SMAD9: variants seen among roughly 807,000 people sequenced by gnomAD.
SMAD9 encodes the protein MAD homolog 9.
In SMAD9, 36 loss-of-function variants were observed where a neutral mutation model predicts 46.1. That is an observed-to-expected ratio of 0.78 (90% CI 0.60 to 1.03). SMAD9 has a LOEUF of 1.03. Ranked by LOEUF, SMAD9 falls within the 50% of genes least tolerant of loss-of-function variation. SMAD9 has a pLI of 0.00. For synonymous variants in SMAD9, 245 were observed against 237.1 expected, an observed-to-expected ratio of 1.03 and a Z score of -0.31; for missense variants, 572 against 599.8, an observed-to-expected ratio of 0.95 and a Z score of 0.48.
intron 3 of SMAD9, among the ~76,000 whole-genome samples, chr13:36,870,853 G>C (rs986031687): frequency 1.3e-5 from 2 of 152,098 alleles, no homozygotes. Flanking sequence ...TATTAAATCA[G>C]AGTGACCTCA....
chr13:36,903,115 T>C (rs1287370170), intron 1 of SMAD9, among the ~76,000 whole-genome samples: 1 of 149,228 alleles, frequency 6.7e-6, no homozygotes, highest in African/African-American at 2.5e-5. Flanking sequence ...TCTTTCTTTT[T>C]TTTTCTTTTG....
Position 36,879,790 on chromosome 13 carries a change from G to A in SMAD9, c.-101C>T, listed in dbSNP as rs1415811911. 1.3e-5 allele frequency: 17 copies of A among 1,324,238 alleles called. No homozygotes were observed. The South Asian group carries it at 1.6e-4, about 12-fold the overall frequency. The allele number at this position is 1,324,238 out of a possible 1,614,324, so 82.0% of individuals were successfully genotyped here. On this transcript the variant is annotated 5_prime_UTR_variant, in exon 2 of 7. Coordinates refer to ENST00000379826, the MANE Select transcript of SMAD9 (RefSeq NM_001127217.3). Reference sequence around the variant, plus strand: ...CCAGGGGTGGCATAGGGACCAACCCGCCCGTTCTTCTGGGAGCAGCTGGGA... The same window carrying A: ...CCAGGGGTGGCATAGGGACCAACCCACCCGTTCTTCTGGGAGCAGCTGGGA...
chr13:36,845,998 C>T lies in SMAD9; in HGVS notation c.*2678G>A, dbSNP rs1198252656. 1 of 152,032 alleles carries T rather than the reference C, an allele frequency of 6.6e-6. No homozygotes were observed. The highest frequency in any genetic ancestry group is 1.5e-5 in the Non-Finnish European group (1 of 68,012). The allele number at this position is 152,032 out of a possible 1,614,324, so 9.4% of individuals were successfully genotyped here. A position where few individuals can be genotyped will look rare whatever the true frequency, so the allele number is the denominator to read the frequency against. The stretch of plus-strand genomic sequence containing the variant: ...GTTTAGAGACAGGGTGTCACTTTGT[C>T]ACCCAGGCTAGAATGAAGTTGTATG... On this transcript the variant is annotated 3_prime_UTR_variant, in exon 7 of 7. Transcript: ENST00000379826.
At position 36,879,373 on chromosome 13, in the gene SMAD9, TC is replaced by T; in HGVS notation, c.316del (p.Glu106SerfsTer2). On this transcript the variant is annotated frameshift_variant, in exon 2 of 7. Transcript: ENST00000379826. LOFTEE classifies it high-confidence loss of function. ...WRWPDLQSHH[E>X]LKPLECCEFP... ...CTCACAGCACTCCAGCGGCTTCAGC[TC>T]GTGGTGGGACTGCAGATCCGGCCAG... is the stretch of plus-strand genomic sequence containing the variant. The T allele has an allele frequency of 1.2e-6, 2 of 1,614,110 alleles. No homozygotes were observed. Among genetic ancestry groups the T allele is most frequent in the Non-Finnish European group, 1.7e-6 (2 of 1,180,026 alleles).
At chr13:36,877,272 G>C (rs2058353961) in intron 2 of SMAD9, among the ~76,000 whole-genome samples, 1 of 152,210 alleles carries the variant, frequency 6.6e-6, no homozygotes, top group Non-Finnish European at 1.5e-5. Flanking sequence ...TGAGGCAGGA[G>C]AATCGCTTGA....
chr13:36,895,888 C>T lies in SMAD9; in HGVS notation c.-186-16013G>A, dbSNP rs181734546. Reference sequence around the variant, plus strand: ...AATAAATAGTATTTTCCAAGTCAGCCTGAAATTGGGATTTCCACCTAAGCA... The same window carrying T: ...AATAAATAGTATTTTCCAAGTCAGCTTGAAATTGGGATTTCCACCTAAGCA... On this transcript the variant is annotated intron_variant, in intron 1 of 6. Coordinates refer to ENST00000379826, the MANE Select transcript of SMAD9 (RefSeq NM_001127217.3). Among the ~76,000 whole-genome samples, 308 of 152,164 alleles carry T rather than the reference C, an allele frequency of 2.0e-3. 2 individuals carry two copies. The highest frequency in any genetic ancestry group is 6.7e-3 in the African/African-American group (279 of 41,522).
intron 1 of SMAD9, among the ~76,000 whole-genome samples, chr13:36,915,311 G>T (rs1442159183): frequency 2.0e-5 from 3 of 152,164 alleles, no homozygotes; most frequent in Non-Finnish European, 4.4e-5. Context: ...GAATGAATGG[G>T]CATCCCTGGC....
intron 1 of SMAD9, among the ~76,000 whole-genome samples, chr13:36,913,643 C>T (rs1173628654): frequency 6.6e-6 from 1 of 152,144 alleles, no homozygotes; most frequent in African/African-American, 2.4e-5. Flanking sequence ...GCAAACACAG[C>T]CAACACCTAA....
chr13:36,856,669 G>C (rs2058128758), intron 5 of SMAD9, among the ~76,000 whole-genome samples: 1 of 152,196 alleles, frequency 6.6e-6, no homozygotes, highest in Non-Finnish European at 1.5e-5. Context: ...AAACGCCAGT[G>C]TCAGATTCAA....
intron 6 of SMAD9, 101 bp downstream of exon 6, chr13:36,853,318 T>C (rs1767889603): frequency 8.9e-7 from 1 of 1,121,930 alleles, no homozygotes; most frequent in Non-Finnish European, 1.3e-6. Flanking sequence ...TGGTTTTGTC[T>C]ATCAGAATTG....
intron 2 of SMAD9, among the ~76,000 whole-genome samples, chr13:36,877,998 G>C (rs888553967): frequency 2.0e-5 from 3 of 152,196 alleles, no homozygotes; most frequent in African/African-American, 7.2e-5. Flanking sequence ...TGGCCAAAGA[G>C]AGAAAGCTCT....
At chr13:36,918,960 C>G (rs2058719381) in intron 1 of SMAD9, among the ~76,000 whole-genome samples, 1 of 152,162 alleles carries the variant, frequency 6.6e-6, no homozygotes, top group African/African-American at 2.4e-5. Context: ...ACCTACATTT[C>G]CAAAAGATCA....
chr13:36,919,735 G>A (rs1203828425), intron 1 of SMAD9, among the ~76,000 whole-genome samples: 2 of 151,204 alleles, frequency 1.3e-5, no homozygotes, highest in East Asian at 4.0e-4. Context: ...CAGGTCCCGG[G>A]GCCCGCGGCG....
intron 1 of SMAD9, among the ~76,000 whole-genome samples, chr13:36,891,892 G>A (rs1322373271): frequency 3.3e-5 from 5 of 152,122 alleles, no homozygotes; most frequent in Non-Finnish European, 5.9e-5. Context: ...CTTTAGATTT[G>A]CAGTTTAGAT....
At chr13:36,889,447 C>T (rs538259720) in intron 1 of SMAD9, among the ~76,000 whole-genome samples, 10 of 152,138 alleles carry the variant, frequency 6.6e-5, no homozygotes, top group Non-Finnish European at 1.5e-4. Flanking sequence ...CTACTTAAAT[C>T]GCAAGAACTC....
At chr13:36,917,432 C>A (rs1270950019) in intron 1 of SMAD9, among the ~76,000 whole-genome samples, 1 of 150,614 alleles carries the variant, frequency 6.6e-6, no homozygotes, top group African/African-American at 2.4e-5. Flanking sequence ...AACTTTTCAA[C>A]CCACTAGCAA....
chr13:36,909,776 G>C (rs1174429418), intron 1 of SMAD9, among the ~76,000 whole-genome samples: 4 of 152,192 alleles, frequency 2.6e-5, no homozygotes, highest in African/African-American at 7.2e-5. Flanking sequence ...GAAGTACTGA[G>C]GGGATGTGAG....
intron 5 of SMAD9, among the ~76,000 whole-genome samples, chr13:36,855,474 GA>G (rs1270811065): frequency 3.3e-5 from 5 of 151,604 alleles, no homozygotes; most frequent in South Asian, 4.2e-4. Context: ...TTTTGATGGG[GA>G]AAAAAAAGTC....
Position 36,886,049 on chromosome 13 carries a change from T to C in SMAD9, c.-186-6174A>G, listed in dbSNP as rs370154937. ...GAGAGAGGCAGATGGCCAACGCATA[T>C]TGACTATCTTCATGATAAGTGCCTT... is the stretch of plus-strand genomic sequence containing the variant. On this transcript the variant is annotated intron_variant, in intron 1 of 6. Transcript: ENST00000379826. Among the ~76,000 whole-genome samples, 52 of 152,252 alleles carry C rather than the reference T, an allele frequency of 3.4e-4. No individual in the cohort carries two copies. In the South Asian group the frequency reaches 8.5e-3, roughly 25 times the overall value.
Sources: allele counts gnomAD v4.1 joint callset (sites outside exome capture counted in the v4.1 genomes callset), GRCh38; gene constraint gnomAD v4.1.1; transcripts MANE v1.5; gene names NCBI Gene and HGNC (gene_info 2026-07-23, HGNC 2026-07-21).